The following MAP3K13 variants were observed in gnomAD, a reference collection of about 807,000 sequenced individuals.
MAP3K13 encodes mitogen-activated protein kinase kinase kinase 13, also known as leucine zipper-bearing kinase.
A neutral mutation model predicts 104.0 loss-of-function variants in MAP3K13; 52 were observed. The ratio of observed to expected loss-of-function variants is 0.50; its 90% CI spans 0.40 to 0.63. MAP3K13 has a LOEUF of 0.63. MAP3K13 is among the 20% of genes least tolerant of loss of function. MAP3K13 has a pLI of 0.00. For missense variants in MAP3K13, 914 were observed against 1,218.5 expected, an observed-to-expected ratio of 0.75 and a Z score of 3.72; for synonymous variants, 394 against 442.2, an observed-to-expected ratio of 0.89 and a Z score of 1.37.
intron 2 of MAP3K13, among the ~76,000 whole-genome samples, chr3:185,340,853 T>C (rs1158635977): frequency 2.0e-5 from 3 of 152,124 alleles, no homozygotes; most frequent in Non-Finnish European, 2.9e-5. Context: ...TCCACCATGA[T>C]TGTAAGTTTC....
At chr3:185,436,999 T>A (rs1375795036) in intron 2 of MAP3K13, among the ~76,000 whole-genome samples, 4 of 28,808 alleles carry the variant, frequency 1.4e-4, no homozygotes, top group Admixed American at 6.6e-4. Flanking sequence ...AGACTCTGTC[T>A]CAAAAAAAAA....
Position 185,486,817 on chromosome 3 carries a change from T to C in MAP3K13, c.*4361T>C, listed in dbSNP as rs1718738111. ...ATAACAGTTCCTTTTAAAATTGCTTTGCAGAGGGGCTGAGAAGCCTGCATC... is the reference window on the plus strand; with the variant it reads ...ATAACAGTTCCTTTTAAAATTGCTTCGCAGAGGGGCTGAGAAGCCTGCATC... On this transcript the variant is annotated 3_prime_UTR_variant, in exon 14 of 14. Coordinates refer to ENST00000265026, the MANE Select transcript of MAP3K13 (RefSeq NM_004721.5). 1 of 152,228 alleles carries C rather than the reference T, an allele frequency of 6.6e-6. No homozygotes were observed. The allele number at this position is 152,228 out of a possible 1,614,324, so 9.4% of individuals were successfully genotyped here. A position where few individuals can be genotyped will look rare whatever the true frequency, so the allele number is the denominator to read the frequency against.
chr3:185,481,544 T>C (rs1483023818), intron 13 of MAP3K13, among the ~76,000 whole-genome samples: 4 of 152,078 alleles, frequency 2.6e-5, no homozygotes, highest in Admixed American at 2.6e-4. Flanking sequence ...CCCTGACTCT[T>C]CCCTGGATGA....
chr3:185,322,838 T>G (rs946489962), intron 2 of MAP3K13, among the ~76,000 whole-genome samples: 1 of 152,206 alleles, frequency 6.6e-6, no homozygotes, highest in Non-Finnish European at 1.5e-5. Flanking sequence ...TTGCAAGTAT[T>G]TTTTATTTTT....
intron 1 of MAP3K13, among the ~76,000 whole-genome samples, chr3:185,385,243 C>T (rs574034286): frequency 3.2e-4 from 48 of 152,256 alleles, no homozygotes; most frequent in Non-Finnish European, 4.9e-4. Context: ...CTCTGCCTCC[C>T]GGATTCAAGT....
chr3:185,316,917 T>C (rs986709265), intron 2 of MAP3K13, among the ~76,000 whole-genome samples: 2 of 152,202 alleles, frequency 1.3e-5, no homozygotes, highest in African/African-American at 4.8e-5. Flanking sequence ...CCTATAATTA[T>C]TATGATGTCA....
chr3:185,464,684 T>A (rs1204270558), intron 8 of MAP3K13, among the ~76,000 whole-genome samples: 1 of 152,236 alleles, frequency 6.6e-6, no homozygotes, highest in Non-Finnish European at 1.5e-5. Flanking sequence ...TCTAGCAGTG[T>A]GAGAACAGAC....
At chr3:185,395,286 T>A (rs1577504537) in intron 1 of MAP3K13, among the ~76,000 whole-genome samples, 4 of 151,708 alleles carry the variant, frequency 2.6e-5, no homozygotes, top group South Asian at 2.1e-4. Flanking sequence ...ATAACTTAAA[T>A]TAGGTTTGTT....
chr3:185,303,599 G>A (rs909143676), intron 2 of MAP3K13, among the ~76,000 whole-genome samples: 1 of 150,928 alleles, frequency 6.6e-6, no homozygotes, highest in African/African-American at 2.4e-5. Flanking sequence ...TATCCAATTT[G>A]TTTGCATATA....
intron 1 of MAP3K13, among the ~76,000 whole-genome samples, chr3:185,393,808 C>G (rs1712220018): frequency 6.6e-6 from 1 of 152,102 alleles, no homozygotes; most frequent in Non-Finnish European, 1.5e-5. Flanking sequence ...GAGTCATGCC[C>G]TGGGCAAGAG....
intron 2 of MAP3K13, among the ~76,000 whole-genome samples, chr3:185,333,215 C>T (rs369187738): frequency 6.6e-6 from 1 of 152,198 alleles, no homozygotes; most frequent in Non-Finnish European, 1.5e-5. Context: ...TGGAATAAGA[C>T]TACCTGGGTT....
chr3:185,324,583 T>C (rs1016809255), intron 2 of MAP3K13, among the ~76,000 whole-genome samples: 1 of 152,152 alleles, frequency 6.6e-6, no homozygotes. Context: ...GTTTCTTCCC[T>C]CTCCCAGGGG....
intron 2 of MAP3K13, among the ~76,000 whole-genome samples, chr3:185,332,381 A>C (rs1470382023): frequency 6.6e-6 from 1 of 152,188 alleles, no homozygotes; most frequent in Admixed American, 6.5e-5. Context: ...AGTTTTAAAA[A>C]CTAATTTTCA....
intron 2 of MAP3K13, among the ~76,000 whole-genome samples, chr3:185,356,038 C>T (rs575543997): frequency 8.5e-5 from 13 of 152,104 alleles, no homozygotes; most frequent in East Asian, 7.7e-4. Flanking sequence ...TTGAGATAAA[C>T]GGTAAAAAGA....
rs1428296048 is a variant in MAP3K13, at chr3:185,482,344, T to C, written c.2800-11T>C. 4 of 1,597,170 alleles carry C rather than the reference T, an allele frequency of 2.5e-6. No individual in the cohort carries two copies. The highest frequency in any genetic ancestry group is 3.4e-6 in the Non-Finnish European group (4 of 1,164,562). On this transcript the variant is annotated splice_polypyrimidine_tract_variant and intron_variant, in intron 13 of 13. Coordinates refer to ENST00000265026, the MANE Select transcript of MAP3K13 (RefSeq NM_004721.5). This position sits in a 1 kb window ranked among gnomAD's most constrained non-coding sequence, Gnocchi z 4.5. The stretch of plus-strand genomic sequence containing the variant: ...ATCGAAATGAATTAAGGTTTTGTCT[T>C]GCCTTTGCAGAACCCCATGCAGTTT...
chr3:185,387,977 G>A (rs996139021), intron 1 of MAP3K13, among the ~76,000 whole-genome samples: 1 of 152,178 alleles, frequency 6.6e-6, no homozygotes, highest in Non-Finnish European at 1.5e-5. Flanking sequence ...TGCAGGATAC[G>A]AAAATCAACA....
intron 2 of MAP3K13, among the ~76,000 whole-genome samples, chr3:185,322,170 G>A (rs149377300): frequency 7.9e-5 from 12 of 152,062 alleles, no homozygotes; most frequent in East Asian, 1.9e-4. Flanking sequence ...TCTGTTCTGC[G>A]GCTTCATATA....
intron 7 of MAP3K13, among the ~76,000 whole-genome samples, chr3:185,455,191 GATATATATATGAT>G (rs1716405499): frequency 2.4e-5 from 2 of 82,220 alleles, no homozygotes; most frequent in Non-Finnish European, 4.5e-5. Flanking sequence ...ATATATATGA[GATATATATATGAT>G]ATATATGAGA....
At chr3:185,388,238 A>T (rs1224889970) in intron 1 of MAP3K13, among the ~76,000 whole-genome samples, 1 of 152,192 alleles carries the variant, frequency 6.6e-6, no homozygotes, top group Non-Finnish European at 1.5e-5. Flanking sequence ...ACCATAACTT[A>T]TGCCTGTAAT....
Sources: gnomAD v4.1 joint callset for allele counts (sites outside exome capture counted in the v4.1 genomes callset) on GRCh38, gnomAD v4.1.1 for gene constraint, Gnocchi (gnomAD v3.1) non-coding constraint, MANE v1.5 for transcripts, NCBI Gene and HGNC (gene_info 2026-07-23, HGNC 2026-07-21) for gene names.